KANSL1L: variants seen among roughly 807,000 people sequenced by gnomAD.
KANSL1L encodes the protein KAT8 regulatory NSL complex subunit 1-like protein.
In KANSL1L, 25 loss-of-function variants were observed where a neutral mutation model predicts 108.6. The observed-to-expected ratio is 0.23, with a 90% CI of 0.17 to 0.32. The LOEUF is 0.32. Among genes scored for constraint, KANSL1L ranks in the 10% least tolerant of loss-of-function variants. The pLI, the probability that KANSL1L is intolerant of heterozygous loss-of-function variation, is 1.00. For synonymous variants in KANSL1L, 405 were observed against 395.1 expected, an observed-to-expected ratio of 1.03 and a Z score of -0.30; for missense variants, 1,137 against 1,125.7, an observed-to-expected ratio of 1.01 and a Z score of -0.14.
chr2:210,025,208 ATCT>A lies in KANSL1L; in HGVS notation c.2457_2459del (p.Glu819del). On this transcript the variant is annotated inframe_deletion, in exon 13 of 15. Transcript: ENST00000281772. ...TTAGGGAGAAGACTTCATCAGAAAGATCTTCTATCTGGAATTAGAAATAAAGAT... is the reference window on the plus strand; with the variant it reads ...TTAGGGAGAAGACTTCATCAGAAAGATCTATCTGGAATTAGAAATAAAGAT... 1 of 1,537,600 alleles carries A rather than the reference ATCT, an allele frequency of 6.5e-7. No homozygotes were observed. The highest frequency in any genetic ancestry group is 9.0e-7 in the Non-Finnish European group (1 of 1,110,148).
At chr2:210,048,219 A>G (rs2094247004) in intron 6 of KANSL1L, among the ~76,000 whole-genome samples, 1 of 152,338 alleles carries the variant, frequency 6.6e-6, no homozygotes, top group African/African-American at 2.4e-5. Flanking sequence ...CATTACTGGC[A>G]TTTGCATCCA....
At chr2:210,056,358 C>G (rs1384579215) in intron 6 of KANSL1L, among the ~76,000 whole-genome samples, 2 of 152,222 alleles carry the variant, frequency 1.3e-5, no homozygotes, top group South Asian at 2.1e-4. Context: ...AAAAGTAATA[C>G]TTTTATCATT....
chr2:210,160,813 T>C (rs1403487215), intron 1 of KANSL1L, among the ~76,000 whole-genome samples: 1 of 152,154 alleles, frequency 6.6e-6, no homozygotes, highest in African/African-American at 2.4e-5. Flanking sequence ...CAAAGATTTA[T>C]ATGAAAGTTA....
chr2:210,035,531 G>C, intron 8 of KANSL1L, among the ~76,000 whole-genome samples: 1 of 152,228 alleles, frequency 6.6e-6, no homozygotes, highest in East Asian at 1.9e-4. Context: ...CCAGGCTGGA[G>C]TGCAGTGGCG....
At chr2:210,096,433 T>C in intron 5 of KANSL1L, 1 of 934,076 alleles carries the variant, frequency 1.1e-6, no homozygotes, top group Non-Finnish European at 1.3e-6. Context: ...TGGCATACAA[T>C]AAATAATTAT....
chr2:210,136,768 T>C (rs1173717415), intron 2 of KANSL1L, among the ~76,000 whole-genome samples: 1 of 152,120 alleles, frequency 6.6e-6, no homozygotes, highest in Non-Finnish European at 1.5e-5. Flanking sequence ...CGAAACACTA[T>C]AATGGGCCCT....
chr2:210,039,233 G>A (rs2094139658), intron 8 of KANSL1L, among the ~76,000 whole-genome samples: 1 of 151,854 alleles, frequency 6.6e-6, no homozygotes, highest in South Asian at 2.1e-4. Context: ...TTAATTTGGG[G>A]AAAATTGACA....
chr2:210,122,354 G>A (rs953069463), intron 3 of KANSL1L, among the ~76,000 whole-genome samples: 1 of 152,032 alleles, frequency 6.6e-6, no homozygotes, highest in South Asian at 2.1e-4. Context: ...CAACAAAACA[G>A]TACGGAGAAC....
At chr2:210,062,199 G>A (rs1276140943) in intron 6 of KANSL1L, among the ~76,000 whole-genome samples, 1 of 152,162 alleles carries the variant, frequency 6.6e-6, no homozygotes, top group African/African-American at 2.4e-5. Context: ...TAAGTCTCAT[G>A]AGATCTGATG....
intron 5 of KANSL1L, among the ~76,000 whole-genome samples, chr2:210,082,155 C>T (rs1384835469): frequency 6.6e-6 from 1 of 152,140 alleles, no homozygotes; most frequent in Non-Finnish European, 1.5e-5. Flanking sequence ...TGGTTTGGAA[C>T]TCCTGGGCTC....
intron 5 of KANSL1L, among the ~76,000 whole-genome samples, chr2:210,095,616 C>T (rs1168762533): frequency 6.6e-6 from 1 of 152,012 alleles, no homozygotes; most frequent in Non-Finnish European, 1.5e-5. Flanking sequence ...GGAATCTTTA[C>T]AAAACATTTT....
chr2:210,035,939 C>T (rs931044273), intron 8 of KANSL1L, among the ~76,000 whole-genome samples: 2 of 152,204 alleles, frequency 1.3e-5, no homozygotes, highest in African/African-American at 4.8e-5. Flanking sequence ...CCATTCCAGA[C>T]TTACTAAATC....
rs760964319 is a variant in KANSL1L, at chr2:210,154,402, T to C, written c.181A>G (p.Asn61Asp). The part of the protein sequence containing the change: ...FPTPEPTLNT[N>D]FVNLKHFGSP... ...CCAAAATGTTTTAAATTCACAAAAT[T>C]AGTATTAAGAGTAGGTTCAGGAGTT... The change falls in exon 2 of 15, where the codon AAT (asparagine) becomes GAT (aspartate). Residue 61 changes from asparagine (N) to aspartate (D), a missense_variant. Asn to Asp is a conservative substitution (Grantham distance 23, BLOSUM62 1). Transcript: ENST00000281772. 27 of 1,610,986 alleles carry C rather than the reference T, an allele frequency of 1.7e-5. No homozygotes were observed. Among genetic ancestry groups the C allele is most frequent in the Non-Finnish European group, 2.2e-5 (26 of 1,178,860 alleles).
chr2:210,165,391 A>G (rs191370545), intron 1 of KANSL1L, among the ~76,000 whole-genome samples: 6 of 152,252 alleles, frequency 3.9e-5, no homozygotes, highest in Admixed American at 3.9e-4. Flanking sequence ...AGAGAATTTC[A>G]GTAAGACAAG....
chr2:210,024,798 TTAAAG>T (rs2125113061), intron 13 of KANSL1L, among the ~76,000 whole-genome samples: 1 of 152,344 alleles, frequency 6.6e-6, no homozygotes, highest in East Asian at 1.9e-4. Flanking sequence ...AGGTCCATTA[TTAAAG>T]TAGATTGAAA....
At chr2:210,023,273 TTGTTC>T (rs1341450739) in intron 14 of KANSL1L, 94 bp from the exon 15 acceptor site, 1 of 846,580 alleles carries the variant, frequency 1.2e-6, no homozygotes, top group Non-Finnish European at 1.9e-6. Context: ...ATTGTAATAA[TTGTTC>T]TGTTCTTTAG....
intron 8 of KANSL1L, chr2:210,032,668 C>T (rs1433528554): frequency 6.6e-6 from 1 of 152,182 alleles, no homozygotes; most frequent in Non-Finnish European, 1.5e-5. Flanking sequence ...CCGCCCATCC[C>T]CAAATTAGTC....
chr2:210,094,792 A>G (rs999737575), intron 5 of KANSL1L, among the ~76,000 whole-genome samples: 3 of 151,986 alleles, frequency 2.0e-5, no homozygotes, highest in Admixed American at 2.0e-4. Flanking sequence ...TTAATTAAGT[A>G]CTTTTCATTA....
intron 2 of KANSL1L, among the ~76,000 whole-genome samples, chr2:210,143,284 T>C: frequency 6.6e-6 from 1 of 152,156 alleles, no homozygotes; most frequent in East Asian, 1.9e-4. Flanking sequence ...GGTTTCCATT[T>C]GCATGGAATA....
Sources: allele counts gnomAD v4.1 joint callset (sites outside exome capture counted in the v4.1 genomes callset), GRCh38; gene constraint gnomAD v4.1.1; transcripts MANE v1.5; gene names NCBI Gene and HGNC (gene_info 2026-07-23, HGNC 2026-07-21).